The following CEP170 variants were observed in gnomAD, a reference collection of about 807,000 sequenced individuals.
The protein encoded by CEP170 is centrosomal protein of 170 kDa.
A neutral mutation model predicts 151.9 loss-of-function variants in CEP170; 21 were observed. That is an observed-to-expected ratio of 0.14 (90% confidence interval 0.10 to 0.20). The LOEUF is 0.20. Among genes scored for constraint, CEP170 ranks in the 10% least tolerant of loss-of-function variants. The pLI is 1.00. For synonymous variants in CEP170, 356 were observed against 648.8 expected, an observed-to-expected ratio of 0.55 and a Z score of 6.86; for missense variants, 964 against 1,892.9, an observed-to-expected ratio of 0.51 and a Z score of 9.11.
chr1:243,241,198 C>T (rs1448563162), intron 1 of CEP170, among the ~76,000 whole-genome samples: 2 of 152,126 alleles, frequency 1.3e-5, no homozygotes, highest in Non-Finnish European at 2.9e-5. Flanking sequence ...CTAAGGAATA[C>T]GAATATTTTG....
Position 243,165,806 on chromosome 1 carries a change from G to A in CEP170, c.2154C>T (p.Thr718=), listed in dbSNP as rs2058398276. The A allele has an allele frequency of 1.2e-6, 2 of 1,613,960 alleles. No homozygotes were observed. The highest frequency in any genetic ancestry group is 1.7e-6 in the Non-Finnish European group (2 of 1,179,878). The stretch of plus-strand genomic sequence containing the variant: ...GAGCAGAGCTGCCTAAGTGAAGTAG[G>A]GTTTTATTATCTCCACCAGTTTTGA... ...ETLKTGGDNK[T]LLHLGSSAPG... is the part of the protein sequence containing the mutation. The change falls in exon 13 of 20, where the codon ACC becomes ACT. Residue 718 remains threonine (T), a synonymous_variant. Transcript: ENST00000366542.
intron 4 of CEP170, 95 bp downstream of exon 4, chr1:243,211,791 T>C (rs1490735344): frequency 7.2e-7 from 1 of 1,394,628 alleles, no homozygotes; most frequent in Admixed American, 2.0e-5. Context: ...TTCTGGCATA[T>C]CTATATTGTG....
At chr1:243,196,550 C>T (rs149677361) in intron 7 of CEP170, among the ~76,000 whole-genome samples, 133 of 152,170 alleles carry the variant, frequency 8.7e-4, no homozygotes, top group African/African-American at 2.9e-3. Flanking sequence ...AGAAGTTACG[C>T]GCTTCAGATT....
chr1:243,219,177 C>T (rs188520301), intron 3 of CEP170, among the ~76,000 whole-genome samples: 8 of 152,254 alleles, frequency 5.3e-5, no homozygotes, highest in South Asian at 2.1e-4. Context: ...CTATACTAAG[C>T]GCACACTCAA....
At chr1:243,237,536 G>A (rs2064362521) in intron 1 of CEP170, among the ~76,000 whole-genome samples, 2 of 152,084 alleles carry the variant, frequency 1.3e-5, no homozygotes, top group Admixed American at 1.3e-4. Flanking sequence ...ATAAAATAAT[G>A]CATGCTGGAA....
intron 19 of CEP170, among the ~76,000 whole-genome samples, chr1:243,126,960 G>T (rs983114982): frequency 6.6e-6 from 1 of 152,062 alleles, no homozygotes; most frequent in African/African-American, 2.4e-5. Flanking sequence ...TGGCACTTAC[G>T]GGCATTTCAG....
intron 4 of CEP170, among the ~76,000 whole-genome samples, chr1:243,209,343 G>C (rs2061621916): frequency 6.6e-6 from 1 of 152,018 alleles, no homozygotes; most frequent in South Asian, 2.1e-4. Flanking sequence ...CTGCCACCAT[G>C]CCAGGCTAGT....
chr1:243,224,382 C>T (rs1314934560), intron 2 of CEP170, among the ~76,000 whole-genome samples: 2 of 151,958 alleles, frequency 1.3e-5, no homozygotes, highest in Non-Finnish European at 2.9e-5. Flanking sequence ...CTTTCGGCTT[C>T]CCCGGGCCAC....
At chr1:243,217,946 A>G (rs905733838) in intron 3 of CEP170, among the ~76,000 whole-genome samples, 3 of 152,232 alleles carry the variant, frequency 2.0e-5, no homozygotes, top group Non-Finnish European at 2.9e-5. Context: ...TAGGTGCCCA[A>G]GCTAAACCAG....
intron 14 of CEP170, among the ~76,000 whole-genome samples, chr1:243,143,604 T>G (rs544605525): frequency 6.6e-6 from 1 of 152,136 alleles, no homozygotes; most frequent in South Asian, 2.1e-4. Flanking sequence ...CCAAGCTGCA[T>G]CTACTGCCCA....
At chr1:243,144,349 T>C (rs919980295) in intron 14 of CEP170, among the ~76,000 whole-genome samples, 26 of 152,210 alleles carry the variant, frequency 1.7e-4, no homozygotes, top group Admixed American at 3.9e-4. Context: ...AGGTCACACA[T>C]AGTTAAGTGC....
chr1:243,220,485 A>G, intron 3 of CEP170, among the ~76,000 whole-genome samples: 1 of 152,264 alleles, frequency 6.6e-6, no homozygotes, highest in East Asian at 1.9e-4. Context: ...CATGCCTACA[A>G]AAAATTTGTA....
chr1:243,230,008 G>C (rs1024880588), intron 1 of CEP170, among the ~76,000 whole-genome samples: 1 of 152,014 alleles, frequency 6.6e-6, no homozygotes, highest in Admixed American at 6.5e-5. Context: ...GCAATCCCTG[G>C]AGAGTGGAAG....
chr1:243,225,538 A>G (rs1471702151), intron 1 of CEP170, among the ~76,000 whole-genome samples: 1 of 152,198 alleles, frequency 6.6e-6, no homozygotes, highest in Non-Finnish European at 1.5e-5. Context: ...AAAAAGGAAG[A>G]GACTAAGGCA....
intron 10 of CEP170, among the ~76,000 whole-genome samples, chr1:243,182,560 C>A (rs2059689404): frequency 6.6e-6 from 1 of 152,092 alleles, no homozygotes; most frequent in Admixed American, 6.6e-5. Context: ...CATGTCATTG[C>A]CCTACTTAAA....
chr1:243,226,292 TTTA>T (rs1057438613), intron 1 of CEP170, among the ~76,000 whole-genome samples: 3 of 150,564 alleles, frequency 2.0e-5, no homozygotes, highest in Admixed American at 2.0e-4. Context: ...GAAACTGGTA[TTTA>T]TTAAGATAAC....
intron 1 of CEP170, among the ~76,000 whole-genome samples, chr1:243,254,030 G>GA: frequency 6.6e-6 from 1 of 151,906 alleles, no homozygotes; most frequent in Non-Finnish European, 1.5e-5. Flanking sequence ...CCTGCCCAAT[G>GA]AAAAAACAAT....
At chr1:243,180,171 C>A (rs188086362) in intron 10 of CEP170, among the ~76,000 whole-genome samples, 17 of 152,224 alleles carry the variant, frequency 1.1e-4, no homozygotes, top group Non-Finnish European at 1.9e-4. Flanking sequence ...AGAAGCTAGG[C>A]ATGCCAAAAA....
rs1401420098 is a variant in CEP170, at chr1:243,191,022, C to T, written c.1104G>A (p.Leu368=). ...TGAATGATCAAATCACTTTACCTTT[C>T]AACCTTTTCAAGTACACTGGAACAT... ...KSDVPVYLKR[L]KGNKHDDGTQ... Residue 368 remains leucine (L), a synonymous_variant, in exon 8 of 20, where the codon TTG becomes TTA. Transcript: ENST00000366542. The T allele has an allele frequency of 6.4e-7, 1 of 1,565,606 alleles. No individual in the cohort carries two copies. The highest frequency in any genetic ancestry group is 1.4e-5 in the African/African-American group (1 of 73,888).
Sources: gnomAD v4.1 joint callset for allele counts (sites outside exome capture counted in the v4.1 genomes callset) on GRCh38, gnomAD v4.1.1 for gene constraint, MANE v1.5 for transcripts, NCBI Gene and HGNC (gene_info 2026-07-23, HGNC 2026-07-21) for gene names.